The following GLIS3 variants were observed in gnomAD, a reference collection of about 807,000 sequenced individuals.
The protein encoded by GLIS3 is zinc finger protein GLIS3.
A neutral mutation model predicts 78.6 loss-of-function variants in GLIS3; 53 were observed. The observed-to-expected ratio is 0.67, with a 90% confidence interval of 0.54 to 0.85. GLIS3 has a LOEUF of 0.85. Ranked by LOEUF, GLIS3 falls within the 40% of genes least tolerant of loss-of-function variation. The probability of loss-of-function intolerance (pLI) is 0.00; values close to 1 mark genes in which losing one functional copy is unlikely to be tolerated. For synonymous variants in GLIS3, 684 were observed against 509.9 expected (o/e 1.34, Z -4.60); for missense variants, 1,703 against 1,231.1 (o/e 1.38, Z -5.74).
chr9:4,321,789 G>C (rs1037749654), intron 2 of GLIS3, among the ~76,000 whole-genome samples: 4 of 151,986 alleles, frequency 2.6e-5, no homozygotes, highest in Non-Finnish European at 5.9e-5. Context: ...TCTTACCACA[G>C]CCTCCACCTC....
At chr9:4,249,022 G>C (rs1179939080) in intron 2 of GLIS3, among the ~76,000 whole-genome samples, 4 of 152,034 alleles carry the variant, frequency 2.6e-5, no homozygotes, top group South Asian at 2.1e-4. Context: ...TGCTGTTTTG[G>C]TTACTATACC....
chr9:4,217,930 T>G (rs150396708), intron 2 of GLIS3, among the ~76,000 whole-genome samples: 128 of 152,348 alleles, frequency 8.4e-4, no homozygotes, highest in Non-Finnish European at 1.6e-3. Flanking sequence ...CTTACAAACA[T>G]ATGGGACTTA....
chr9:4,011,924 G>C (rs1822046568), intron 4 of GLIS3, among the ~76,000 whole-genome samples: 1 of 152,080 alleles, frequency 6.6e-6, no homozygotes, highest in South Asian at 2.1e-4. Flanking sequence ...CTATGGTTGA[G>C]AATTCTCATT....
At chr9:4,462,641 A>G in the GLIS3 span, among the ~76,000 whole-genome samples, 10 of 146,248 alleles carry the variant, frequency 6.8e-5, no homozygotes, top group East Asian at 4.0e-4. Flanking sequence ...ACAGACACGC[A>G]CACACACACA....
chr9:4,014,553 A>C (rs1822285966), intron 4 of GLIS3, among the ~76,000 whole-genome samples: 1 of 152,208 alleles, frequency 6.6e-6, no homozygotes, highest in African/African-American at 2.4e-5. Context: ...GCTACAAGCC[A>C]AGAAATGCCA....
In GLIS3 at chr9:3,828,007, G is replaced by A. The variant is rs1817816591; in HGVS notation, c.*265C>T. The A allele has an allele frequency of 9.8e-6, 5 of 508,790 alleles. No homozygotes were observed. In the South Asian group the frequency reaches 1.0e-4, roughly 10 times the overall value. 31.5% of individuals were successfully genotyped at this position (508,790 alleles called of 1,614,324 possible). ...CAGCCAGGAAGTAACAGGTATCCAGGAGAGTGAGGCTCTAAATTCCCTTTG... is the reference window on the plus strand; with the variant it reads ...CAGCCAGGAAGTAACAGGTATCCAGAAGAGTGAGGCTCTAAATTCCCTTTG... On this transcript the variant is annotated 3_prime_UTR_variant, in exon 11 of 11. Transcript: ENST00000381971.
intron 4 of GLIS3, among the ~76,000 whole-genome samples, chr9:4,109,171 G>A (rs1299356956): frequency 2.6e-5 from 4 of 151,540 alleles, no homozygotes; most frequent in Non-Finnish European, 5.9e-5. Context: ...TCTCAGCAGT[G>A]AAGGAAAAAA....
the GLIS3 span, among the ~76,000 whole-genome samples, chr9:4,446,780 G>A: frequency 4.0e-5 from 6 of 151,790 alleles, no homozygotes; most frequent in South Asian, 1.0e-3. Flanking sequence ...CAAGGGGCTG[G>A]GATTACAGGC....
chr9:3,847,160 G>T (rs1193774050), intron 9 of GLIS3, among the ~76,000 whole-genome samples: 3 of 152,062 alleles, frequency 2.0e-5, no homozygotes, highest in African/African-American at 7.2e-5. Context: ...CTCCAGCCTG[G>T]GCGACAGAAT....
intron 4 of GLIS3, among the ~76,000 whole-genome samples, chr9:3,978,579 G>T (rs1818971665): frequency 1.3e-5 from 2 of 151,592 alleles, no homozygotes. Context: ...CCTCTTGCTG[G>T]ACATTCAGAT....
At chr9:3,855,909 T>C in intron 9 of GLIS3, 100 bp downstream of exon 9, 1 of 1,281,388 alleles carries the variant, frequency 7.8e-7, no homozygotes, top group South Asian at 1.2e-5. Flanking sequence ...AAGCCTGGTG[T>C]AGAACAGAGC....
At chr9:4,361,904 TG>T in the GLIS3 span, among the ~76,000 whole-genome samples, 8 of 152,220 alleles carry the variant, frequency 5.3e-5, no homozygotes, top group African/African-American at 1.9e-4. Context: ...ATGTTGTTTT[TG>T]CAAGTTTGGA....
At chr9:3,913,048 T>A (rs977933782) in intron 6 of GLIS3, among the ~76,000 whole-genome samples, 9 of 152,140 alleles carry the variant, frequency 5.9e-5, no homozygotes, top group African/African-American at 2.2e-4. Context: ...AGTAATTACT[T>A]CCCCCATCCA....
intron 2 of GLIS3, among the ~76,000 whole-genome samples, chr9:4,265,987 C>T (rs375255178): frequency 6.6e-6 from 1 of 150,996 alleles, no homozygotes; most frequent in Non-Finnish European, 1.5e-5. Flanking sequence ...GACATGATCT[C>T]GGCTCACTGC....
chr9:4,058,146 G>C (rs527644097), intron 4 of GLIS3, among the ~76,000 whole-genome samples: 1 of 152,042 alleles, frequency 6.6e-6, no homozygotes, highest in African/African-American at 2.4e-5. Context: ...TAGAGAAAAG[G>C]AAAAGGAAGT....
At chr9:4,478,618 A>C in the GLIS3 span, among the ~76,000 whole-genome samples, 14 of 151,828 alleles carry the variant, frequency 9.2e-5, no homozygotes, top group Non-Finnish European at 1.6e-4. Context: ...AAAAAAAAAA[A>C]CATCAGTAGT....
chr9:3,840,781 C>T (rs1818664233), intron 9 of GLIS3, among the ~76,000 whole-genome samples: 1 of 152,208 alleles, frequency 6.6e-6, no homozygotes, highest in Non-Finnish European at 1.5e-5. Flanking sequence ...CCATTTTCAT[C>T]TACAGCTCTT....
the GLIS3 span, among the ~76,000 whole-genome samples, chr9:4,387,652 G>C: frequency 6.6e-6 from 1 of 152,100 alleles, no homozygotes; most frequent in Non-Finnish European, 1.5e-5. Flanking sequence ...AAATTAAATA[G>C]ATCAAAGAAT....
intron 4 of GLIS3, among the ~76,000 whole-genome samples, chr9:3,973,602 C>A (rs1207514938): frequency 6.6e-6 from 1 of 152,192 alleles, no homozygotes; most frequent in Non-Finnish European, 1.5e-5. Flanking sequence ...ACTAATCGTG[C>A]TAATCCTAGC....
Sources: allele counts gnomAD v4.1 joint callset (sites outside exome capture counted in the v4.1 genomes callset), GRCh38; gene constraint gnomAD v4.1.1; transcripts MANE v1.5; gene names NCBI Gene and HGNC (gene_info 2026-07-23, HGNC 2026-07-21).